ARMC9: variants seen among roughly 807,000 people sequenced by gnomAD.
ARMC9 encodes armadillo repeat containing 9.
In ARMC9, 94 loss-of-function variants were observed where a neutral mutation model predicts 107.0. The ratio of observed to expected loss-of-function variants is 0.88; its 90% CI spans 0.74 to 1.04. The LOEUF is 1.04. Among genes scored for constraint, ARMC9 ranks in the 50% least tolerant of loss-of-function variants. The pLI, the probability that ARMC9 is intolerant of heterozygous loss-of-function variation, is 0.00. For missense variants in ARMC9, 942 were observed against 1,030.1 expected (o/e 0.91, Z 1.17); for synonymous variants, 380 against 396.9 (o/e 0.96, Z 0.51).
At chr2:231,298,937 A>G (rs1460622394) in intron 19 of ARMC9, among the ~76,000 whole-genome samples, 1 of 152,140 alleles carries the variant, frequency 6.6e-6, no homozygotes, top group East Asian at 1.9e-4. Flanking sequence ...CCATCTCAAA[A>G]AAAGTGGGGG....
chr2:231,230,740 T>C (rs2035132502), intron 7 of ARMC9, among the ~76,000 whole-genome samples: 1 of 152,232 alleles, frequency 6.6e-6, no homozygotes, highest in African/African-American at 2.4e-5. Flanking sequence ...AAGTCATCTC[T>C]GGATTACCTA....
intron 19 of ARMC9, among the ~76,000 whole-genome samples, chr2:231,304,295 T>A (rs2125499705): frequency 6.6e-6 from 1 of 152,380 alleles, no homozygotes; most frequent in South Asian, 2.1e-4. Flanking sequence ...GCATCCTGCC[T>A]GTTTCATATT....
At chr2:231,219,146 T>C (rs2125328067) in intron 5 of ARMC9, among the ~76,000 whole-genome samples, 1 of 151,628 alleles carries the variant, frequency 6.6e-6, no homozygotes, top group South Asian at 2.1e-4. Context: ...TTATGTCCTT[T>C]TTTTTTTTGT....
chr2:231,280,203 C>T (rs1296027861), intron 16 of ARMC9, among the ~76,000 whole-genome samples: 1 of 152,182 alleles, frequency 6.6e-6, no homozygotes, highest in Non-Finnish European at 1.5e-5. Flanking sequence ...CCTGTAATCC[C>T]AGCAATTTTG....
chr2:231,338,125 GGGA>G (rs1479456254), intron 20 of ARMC9, among the ~76,000 whole-genome samples: 1 of 152,198 alleles, frequency 6.6e-6, no homozygotes, highest in Non-Finnish European at 1.5e-5. Flanking sequence ...ACAAGGGCTT[GGGA>G]GGCGTCCTCT....
At chr2:231,333,495 G>A (rs1034180247) in intron 20 of ARMC9, among the ~76,000 whole-genome samples, 2 of 152,172 alleles carry the variant, frequency 1.3e-5, no homozygotes, top group African/African-American at 4.8e-5. Flanking sequence ...TGGCTGTGGA[G>A]CTGTTTACAT....
chr2:231,276,468 C>T (rs2039762657), intron 14 of ARMC9, among the ~76,000 whole-genome samples, 168 bp from the exon 15 acceptor site: 2 of 152,222 alleles, frequency 1.3e-5, no homozygotes, highest in South Asian at 2.1e-4. Context: ...CGGGGTTTCA[C>T]CATGTTGGCC....
intron 20 of ARMC9, among the ~76,000 whole-genome samples, chr2:231,343,073 C>A (rs1474103454): frequency 6.6e-6 from 1 of 152,002 alleles, no homozygotes; most frequent in East Asian, 1.9e-4. Context: ...ACCACCAGGC[C>A]TAGCTAATTT....
intron 2 of ARMC9, among the ~76,000 whole-genome samples, chr2:231,206,535 A>C (rs971850876): frequency 5.9e-5 from 9 of 152,248 alleles, no homozygotes; most frequent in African/African-American, 2.2e-4. Flanking sequence ...AAAAGATTCA[A>C]GCACTACAGA....
At chr2:231,357,891 C>T (rs549151145) in intron 22 of ARMC9, among the ~76,000 whole-genome samples, 4 of 152,288 alleles carry the variant, frequency 2.6e-5, no homozygotes, top group African/African-American at 9.6e-5. Context: ...CCTTTAAAAT[C>T]CTTTTACTTG....
intron 19 of ARMC9, among the ~76,000 whole-genome samples, chr2:231,308,703 A>T (rs907916859): frequency 6.6e-6 from 1 of 152,230 alleles, no homozygotes; most frequent in Non-Finnish European, 1.5e-5. Context: ...ACAGTTCCTG[A>T]CCAGCCTTCC....
intron 18 of ARMC9, chr2:231,294,459 C>T (rs1427110235): frequency 6.6e-6 from 1 of 152,348 alleles, no homozygotes; most frequent in Non-Finnish European, 1.5e-5. Context: ...GTGCGGGCAC[C>T]TCATGGAGTG....
intron 1 of ARMC9, among the ~76,000 whole-genome samples, chr2:231,205,978 A>G (rs1236637126): frequency 6.6e-6 from 1 of 152,104 alleles, no homozygotes; most frequent in Admixed American, 6.6e-5. Context: ...CCACCTGGGT[A>G]ATCCAGGATC....
intron 19 of ARMC9, among the ~76,000 whole-genome samples, chr2:231,311,948 G>A (rs1003741048): frequency 6.6e-6 from 1 of 151,958 alleles, no homozygotes; most frequent in South Asian, 2.1e-4. Flanking sequence ...ACCCCCTCAA[G>A]TTCTTGACCT....
intron 18 of ARMC9, chr2:231,295,954 T>A (rs1388123289): frequency 1.4e-5 from 5 of 348,094 alleles, no homozygotes; most frequent in African/African-American, 2.1e-5. Context: ...TGCTGGCTTT[T>A]AATTTTCCCC....
rs1482854922 is a variant in ARMC9 at position 231,255,488 on chromosome 2, G to T, written c.880-1098G>T. On this transcript the variant is annotated intron_variant, in intron 9 of 24. Transcript: ENST00000611582. This position sits in a 1 kb window ranked among gnomAD's most constrained non-coding sequence, Gnocchi z 4.7. ...CAGTTTGAAATGCCCCTGGGAGTTT[G>T]GTCAGGGAGAACCCATCGTTTTCCA... 2.0e-5 allele frequency among the ~76,000 whole-genome samples: 3 copies of T among 152,112 alleles called. No homozygotes were observed. Among genetic ancestry groups the T allele is most frequent in the African/African-American group, 7.2e-5 (3 of 41,406 alleles).
intron 19 of ARMC9, among the ~76,000 whole-genome samples, chr2:231,325,863 G>A (rs924314050): frequency 6.6e-6 from 1 of 152,196 alleles, no homozygotes; most frequent in Non-Finnish European, 1.5e-5. Flanking sequence ...CAACTCAGGT[G>A]CAGCAGCAGA....
chr2:231,273,290 T>C (rs747035134), intron 14 of ARMC9, among the ~76,000 whole-genome samples: 38 of 152,204 alleles, frequency 2.5e-4, no homozygotes, highest in Admixed American at 7.9e-4. Context: ...CAAAGCATCA[T>C]TGGATTTTCC....
intron 23 of ARMC9, among the ~76,000 whole-genome samples, chr2:231,367,572 G>A (rs1244353322): frequency 2.6e-5 from 4 of 152,192 alleles, no homozygotes; most frequent in South Asian, 2.1e-4. Flanking sequence ...GAATAGTACC[G>A]CTGTTCATGT....
Sources: allele counts gnomAD v4.1 joint callset (sites outside exome capture counted in the v4.1 genomes callset), GRCh38; gene constraint gnomAD v4.1.1; non-coding constraint Gnocchi (gnomAD v3.1); transcripts MANE v1.5; gene names NCBI Gene and HGNC (gene_info 2026-07-23, HGNC 2026-07-21).